NT5DC3: variants seen among roughly 807,000 people sequenced by gnomAD.
The protein encoded by NT5DC3 is 5'-nucleotidase domain containing 3, also known as 5'-nucleotidase domain-containing protein 3.
In NT5DC3, 42 loss-of-function variants were observed where a neutral mutation model predicts 67.8. The observed-to-expected ratio is 0.62, with a 90% CI of 0.48 to 0.80. The LOEUF is 0.80. Ranked by LOEUF, NT5DC3 falls within the 30% of genes least tolerant of loss-of-function variation. NT5DC3 has a pLI of 0.00. For missense variants in NT5DC3, 570 were observed against 696.4 expected (o/e 0.82, Z 2.04); for synonymous variants, 237 against 255.6 (o/e 0.93, Z 0.69).
At chr12:103,825,635 A>C (rs746853622) in intron 1 of NT5DC3, among the ~76,000 whole-genome samples, 7 of 152,150 alleles carry the variant, frequency 4.6e-5, no homozygotes, top group Non-Finnish European at 1.0e-4. Context: ...CTAAAAAAAA[A>C]TTTTAAAAGT....
At chr12:103,783,757 T>C (rs1177226381) in intron 12 of NT5DC3, among the ~76,000 whole-genome samples, 1 of 150,920 alleles carries the variant, frequency 6.6e-6, no homozygotes, top group East Asian at 1.9e-4. Flanking sequence ...AGTCAACTTT[T>C]TACACAGGTC....
chr12:103,793,266 C>G lies in NT5DC3; in HGVS notation c.918-1G>C. Reference sequence around the variant, plus strand: ...AACGATATAACTCATCCCTTTGTCCCTAGGGCAACAAGTCAGCCAGGTTAG... The same window carrying G: ...AACGATATAACTCATCCCTTTGTCCGTAGGGCAACAAGTCAGCCAGGTTAG... On this transcript the variant is annotated splice_acceptor_variant, in intron 8 of 13. Transcript: ENST00000392876. LOFTEE classifies it high-confidence loss of function. The G allele has an allele frequency of 6.2e-7, 1 of 1,606,416 alleles. No homozygotes were observed. Among genetic ancestry groups the G allele is most frequent in the Non-Finnish European group, 8.5e-7 (1 of 1,174,720 alleles).
chr12:103,761,655 A>G, the NT5DC3 span, among the ~76,000 whole-genome samples: 2 of 152,126 alleles, frequency 1.3e-5, no homozygotes, highest in African/African-American at 2.4e-5. Flanking sequence ...AAGGGGGAGG[A>G]TGGGCCACCA....
rs769740944 is a variant in NT5DC3 at position 103,774,021 on chromosome 12, G to C, written c.*3808C>G. ...TAAAAAACAGACAGGCACTATGTTA[G>C]GGGGAAAGTGGGAGCTCTAAGCCAA... On this transcript the variant is annotated 3_prime_UTR_variant, in exon 14 of 14. Coordinates refer to ENST00000392876, the MANE Select transcript of NT5DC3 (RefSeq NM_001031701.3). 2 of 152,220 alleles carry C rather than the reference G, an allele frequency of 1.3e-5. No individual in the cohort carries two copies. Among genetic ancestry groups the C allele is most frequent in the African/African-American group, 2.4e-5 (1 of 41,428 alleles). The allele number at this position is 152,220 out of a possible 1,614,324, so 9.4% of individuals were successfully genotyped here. A position where few individuals can be genotyped will look rare whatever the true frequency, so the allele number is the denominator to read the frequency against.
intron 4 of NT5DC3, among the ~76,000 whole-genome samples, chr12:103,805,870 A>T (rs1349840556): frequency 5.3e-5 from 7 of 131,638 alleles, no homozygotes; most frequent in African/African-American, 1.7e-4. Flanking sequence ...AAAAAAAAAA[A>T]GTCTCAATAT....
chr12:103,766,367 C>T (rs1358410126), downstream of NT5DC3: 3 of 1,590,832 alleles, frequency 1.9e-6, no homozygotes, highest in East Asian at 2.2e-5. Context: ...AGCCATCACT[C>T]ACTGCCACCT....
intron 8 of NT5DC3, 38 bp downstream of exon 8, chr12:103,793,372 T>C: frequency 6.4e-7 from 1 of 1,568,798 alleles, no homozygotes; most frequent in Non-Finnish European, 8.8e-7. Flanking sequence ...ATACAAGGAG[T>C]GTGCCAGAAG....
intron 1 of NT5DC3, among the ~76,000 whole-genome samples, chr12:103,835,634 A>G (rs10861119): frequency 0.14 from 20,785 of 152,162 alleles, 1,573 homozygotes; most frequent in Middle Eastern, 0.28. Flanking sequence ...TTTCATAATT[A>G]ATAATAATAG....
chr12:103,810,550 G>C (rs1886986167), intron 2 of NT5DC3, among the ~76,000 whole-genome samples: 1 of 152,316 alleles, frequency 6.6e-6, no homozygotes, highest in African/African-American at 2.4e-5. Context: ...AAATATAAAA[G>C]ATAAAGCCCT....
intron 4 of NT5DC3, among the ~76,000 whole-genome samples, chr12:103,799,805 A>AAAAAAAAAAAT (rs751451264): frequency 0.21 from 7,620 of 35,584 alleles, 451 homozygotes; most frequent in East Asian, 0.48. Context: ...TCCACATACC[A>AAAAAAAAAAAT]AAAAAAAAAA....
At chr12:103,825,761 A>C (rs1887667098) in intron 1 of NT5DC3, among the ~76,000 whole-genome samples, 1 of 152,274 alleles carries the variant, frequency 6.6e-6, no homozygotes, top group Non-Finnish European at 1.5e-5. Context: ...GAAACAGAGC[A>C]AGACCCTATC....
chr12:103,764,695 A>G, the NT5DC3 span, among the ~76,000 whole-genome samples: 1 of 152,340 alleles, frequency 6.6e-6, no homozygotes, highest in East Asian at 1.9e-4. Flanking sequence ...GTGGTTCTTC[A>G]TGCCTGTGGT....
At chr12:103,793,116 C>A in intron 9 of NT5DC3, 48 bp downstream of exon 9, 1 of 1,275,748 alleles carries the variant, frequency 7.8e-7, no homozygotes, top group Non-Finnish European at 1.1e-6. Context: ...TATATATTCA[C>A]AGCAGCAAAG....
intron 2 of NT5DC3, among the ~76,000 whole-genome samples, chr12:103,813,694 G>C (rs1258966121): frequency 1.3e-5 from 2 of 152,142 alleles, no homozygotes; most frequent in Admixed American, 1.3e-4. Flanking sequence ...CCTCACATTT[G>C]AGAGAAACAA....
downstream of NT5DC3, among the ~76,000 whole-genome samples, chr12:103,769,121 C>G (rs182947262): frequency 1.3e-5 from 2 of 152,128 alleles, no homozygotes; most frequent in Non-Finnish European, 2.9e-5. Flanking sequence ...CCCCCCAACA[C>G]ACACACACAA....
At position 103,777,881 on chromosome 12, in the gene NT5DC3, T is replaced by C. The variant is rs1197739285; in HGVS notation, c.1595A>G (p.Glu532Gly). The C allele has an allele frequency of 6.2e-6, 10 of 1,614,038 alleles. No homozygotes were observed. Among genetic ancestry groups the C allele is most frequent in the Admixed American group, 1.7e-5 (1 of 60,002 alleles). Residue 532 changes from glutamate to glycine, a missense_variant, in exon 14 of 14, where the codon GAA (glutamate) becomes GGA (glycine). By Grantham distance (98) the Glu-to-Gly change is moderately conservative (BLOSUM62 -2). Around this residue, in one of 2 missense-constraint regions of NT5DC3, gnomAD observed 466 missense variants for 608.0 expected, o/e 0.77. Transcript: ENST00000392876. ...AGGGGTTCCGAAGGTGGGGGGCCTT[T>C]CTGACCAGGCGGGCAGTTCGTGCTG... ...PLQHELPAWSERPPTFGTPLL... is the reference protein window; with the variant it reads ...PLQHELPAWSGRPPTFGTPLL...
At chr12:103,807,108 G>A (rs1016384206) in intron 2 of NT5DC3, among the ~76,000 whole-genome samples, 179 bp from the exon 3 acceptor site, 3 of 152,146 alleles carry the variant, frequency 2.0e-5, no homozygotes, top group East Asian at 1.9e-4. Flanking sequence ...TAGCAAGCAC[G>A]CTGGCCAGAG....
chr12:103,806,993 T>C (rs1886828077), intron 2 of NT5DC3, 64 bp from the exon 3 acceptor site: 1 of 964,464 alleles, frequency 1.0e-6, no homozygotes, highest in Non-Finnish European at 1.7e-6. Context: ...CCTGTCCAGA[T>C]CTGGCCCTTG....
chr12:103,816,168 T>C (rs1027340404), intron 1 of NT5DC3, among the ~76,000 whole-genome samples: 9 of 152,240 alleles, frequency 5.9e-5, no homozygotes, highest in Non-Finnish European at 1.0e-4. Flanking sequence ...GAGCATCCCT[T>C]ATCCAAAACG....
Sources: allele counts gnomAD v4.1 joint callset (sites outside exome capture counted in the v4.1 genomes callset), GRCh38; gene constraint gnomAD v4.1.1; regional missense constraint gnomAD v4.1.1; transcripts MANE v1.5; gene names NCBI Gene and HGNC (gene_info 2026-07-23, HGNC 2026-07-21).